C5: variants seen among roughly 807,000 people sequenced by gnomAD.
The protein encoded by C5 is complement C5, also known as C3 and PZP-like alpha-2-macroglobulin domain-containing protein 4.
C5 carries 140 observed loss-of-function variants against 218.8 expected under a neutral mutation model. The ratio of observed to expected loss-of-function variants is 0.64; its 90% CI spans 0.56 to 0.74. The LOEUF (loss-of-function observed/expected upper bound fraction) is 0.74, where lower values mean the gene tolerates loss of function less well. Among genes scored for constraint, C5 ranks in the 30% least tolerant of loss-of-function variants. C5 has a pLI of 0.00. For synonymous variants in C5, 614 were observed against 682.3 expected, an observed-to-expected ratio of 0.90 and a Z score of 1.56; for missense variants, 1,700 against 1,969.6, an observed-to-expected ratio of 0.86 and a Z score of 2.59.
chr9:120,975,848 G>A (rs2046949516), intron 29 of C5, among the ~76,000 whole-genome samples: 2 of 152,040 alleles, frequency 1.3e-5, no homozygotes, highest in African/African-American at 2.4e-5. Context: ...GCATTTAGCA[G>A]GTACATAAAT....
intron 34 of C5, among the ~76,000 whole-genome samples, chr9:120,963,193 G>A (rs2046840535): frequency 6.6e-6 from 1 of 152,138 alleles, no homozygotes; most frequent in Admixed American, 6.5e-5. Context: ...TCAAAACTTA[G>A]GTTAATTATG....
chr9:120,965,493 C>G (rs1482250208), intron 33 of C5, among the ~76,000 whole-genome samples: 1 of 151,618 alleles, frequency 6.6e-6, no homozygotes, highest in African/African-American at 2.4e-5. Context: ...GCACTCTAGT[C>G]TGGGCAACTG....
chr9:121,016,296 T>C lies in C5; in HGVS notation c.1954A>G (p.Thr652Ala), dbSNP rs1440862203. 9.3e-6 allele frequency: 15 copies of C among 1,613,928 alleles called. No individual in the cohort carries two copies. The highest frequency in any genetic ancestry group is 1.0e-5 in the Non-Finnish European group (12 of 1,179,932). ...TCTGCATTTGCATTAGTGAGGAAGG[T>C]AAGTCCAGCTAGGTGGAACACATTG... ...NANVFHLAGL[T>A]FLTNANADDS... The change falls in exon 15 of 41, where the codon ACC becomes GCC. Residue 652 changes from threonine (T) to alanine (A), a missense_variant. Thr to Ala is a moderately conservative substitution (Grantham distance 58). Transcript: ENST00000223642.
Position 120,968,696 on chromosome 9 carries a change from T to C in C5, c.4220+365A>G, listed in dbSNP as rs552153345. The stretch of plus-strand genomic sequence containing the variant: ...CAGCTTGAGTTGAGAATCTAGCTGA[T>C]AATGGATTTTGTTAGGTAAATGTGA... On this transcript the variant is annotated intron_variant, in intron 33 of 40. Coordinates refer to ENST00000223642, the MANE Select transcript of C5 (RefSeq NM_001735.3). Among the ~76,000 whole-genome samples, 4 of 152,336 alleles carry C rather than the reference T, an allele frequency of 2.6e-5. No homozygotes were observed. In the East Asian group the frequency reaches 7.7e-4, roughly 29 times the overall value.
At chr9:121,056,711 A>G in the C5 span, among the ~76,000 whole-genome samples, 1 of 152,160 alleles carries the variant, frequency 6.6e-6, no homozygotes, top group Non-Finnish European at 1.5e-5. Context: ...AGAATGAAGC[A>G]TGCCTACAAG....
chr9:121,027,653 G>A (rs1355567011), intron 7 of C5, among the ~76,000 whole-genome samples: 1 of 152,158 alleles, frequency 6.6e-6, no homozygotes, highest in Non-Finnish European at 1.5e-5. Flanking sequence ...ATAGAAAGCT[G>A]AAACTGGATC....
At position 121,045,981 on chromosome 9, in the gene C5, GC is replaced by G. The variant is rs547626357; in HGVS notation, c.258+209del. Among the ~76,000 whole-genome samples the G allele has an allele frequency of 1.2e-4, 19 of 152,126 alleles. No individual in the cohort carries two copies. In the South Asian group the frequency reaches 3.9e-3, roughly 32 times the overall value. ...AAGAATGTGAAAATGGACATGCATT[GC>G]TCAAAAAGCAGACATAACTTCTGTT... On this transcript the variant is annotated intron_variant, in intron 2 of 40. Coordinates refer to ENST00000223642, the MANE Select transcript of C5 (RefSeq NM_001735.3).
At chr9:120,965,716 C>T (rs7035682) in intron 33 of C5, among the ~76,000 whole-genome samples, 30,264 of 152,018 alleles carry the variant, frequency 0.2, 5,301 homozygotes, top group African/African-American at 0.47. Context: ...ATGTGACATC[C>T]GAACATCTCC....
the C5 span, among the ~76,000 whole-genome samples, chr9:121,066,053 G>A: frequency 3.2e-4 from 48 of 151,930 alleles, no homozygotes; most frequent in Non-Finnish European, 7.4e-5. Flanking sequence ...GGTGTCTCAC[G>A]CCTGTAATCC....
Position 121,017,416 on chromosome 9 carries a change from T to C in C5, c.1812A>G (p.Ala604=). The C allele has an allele frequency of 6.2e-7, 1 of 1,614,048 alleles. No homozygotes were observed. The highest frequency in any genetic ancestry group is 8.5e-7 in the Non-Finnish European group (1 of 1,179,996). ...TGMDSWVALA[A]VDSAVYGVQR... ...GGACTCCATACACAGCACTGTCCAC[T>C]GCTGCTAATGCCACCCAGGAATCCA... Residue 604 remains alanine, a synonymous_variant, in exon 14 of 41, where the codon GCA becomes GCG. Coordinates refer to ENST00000223642, the MANE Select transcript of C5 (RefSeq NM_001735.3).
At chr9:121,002,253 T>C (rs377690041) in intron 20 of C5, among the ~76,000 whole-genome samples, 2,825 of 48,662 alleles carry the variant, frequency 0.058, 111 homozygotes, top group East Asian at 0.1. Flanking sequence ...TGTATATATA[T>C]GTATATATGT....
Position 121,021,410 on chromosome 9 carries a change from CAT to C in C5, c.1302+97_1302+98del, listed in dbSNP as rs1350767175. On this transcript the variant is annotated intron_variant, in intron 11 of 40. Coordinates refer to ENST00000223642, the MANE Select transcript of C5 (RefSeq NM_001735.3). Reference sequence around the variant, plus strand: ...AAATTATGGAACTGTTCACTGGACTCATGTGTAAAATCTGCCGCATCTGTTCT... The same window carrying C: ...AAATTATGGAACTGTTCACTGGACTCGTGTAAAATCTGCCGCATCTGTTCT... 2.9e-4 allele frequency: 257 copies of C among 897,794 alleles called. No individual in the cohort carries two copies. The Middle Eastern group carries it at 3.7e-3, about 13-fold the overall frequency. 55.6% of individuals were successfully genotyped at this position (897,794 alleles called of 1,614,324 possible). A position where few individuals can be genotyped will look rare whatever the true frequency, so the allele number is the denominator to read the frequency against.
Position 120,952,762 on chromosome 9 carries a change from C to A in C5, c.5008G>T (p.Asp1670Tyr), listed in dbSNP as rs761048515. The A allele has an allele frequency of 3.7e-6, 6 of 1,613,580 alleles. No individual in the cohort carries two copies. Among genetic ancestry groups the A allele is most frequent in the Non-Finnish European group, 1.7e-6 (2 of 1,179,824 alleles). Residue 1670 changes from aspartate to tyrosine, a missense_variant, in exon 41 of 41, where the codon GAT becomes TAT. By Grantham distance (160) the Asp-to-Tyr change is radical (BLOSUM62 -3). Transcript: ENST00000223642. ...FLANLDEFAEDIFLNGC is the reference protein window; with the variant it reads ...FLANLDEFAEYIFLNGC ...TTTTAGCATCCATTTAAAAAGATAT[C>A]TTCGGCAAATTCATCTAAATTAGCT... is the stretch of plus-strand genomic sequence containing the variant.
rs201808997 is a variant in C5, at chr9:120,971,980, C to T, written c.4030G>A (p.Asp1344Asn). 3.2e-5 allele frequency: 51 copies of T among 1,612,708 alleles called. No homozygotes were observed. The highest frequency in any genetic ancestry group is 4.3e-5 in the Non-Finnish European group (51 of 1,179,206). Residue 1344 changes from aspartate (D) to asparagine (N), a missense_variant, in exon 31 of 41, where the codon GAT becomes AAT. By Grantham distance (23) the Asp-to-Asn change is conservative. Transcript: ENST00000223642. ...AATCCTGTACTGACAATGAGGTCATCATTGAGAAGCACCTGGAAAGATAAT... is the reference window on the plus strand; with the variant it reads ...AATCCTGTACTGACAATGAGGTCATTATTGAGAAGCACCTGGAAAGATAAT... Reference protein sequence around the residue: ...LGRPVEVLLNDDLIVSTGFGS... With the variant: ...LGRPVEVLLNNDLIVSTGFGS...
At chr9:120,992,520 C>CTT (rs2047084393) in intron 22 of C5, among the ~76,000 whole-genome samples, 1 of 152,198 alleles carries the variant, frequency 6.6e-6, no homozygotes. Context: ...ATACTTATTA[C>CTT]AGATAGCCTT....
intron 15 of C5, among the ~76,000 whole-genome samples, chr9:121,015,622 A>T (rs939210210): frequency 3.3e-5 from 5 of 152,234 alleles, no homozygotes; most frequent in African/African-American, 1.2e-4. Context: ...TATTGCAAAT[A>T]TAACTATGAA....
At chr9:120,987,771 T>A (rs1587962236) in intron 25 of C5, among the ~76,000 whole-genome samples, 1 of 152,054 alleles carries the variant, frequency 6.6e-6, no homozygotes, top group Non-Finnish European at 1.5e-5. Context: ...TATTTTGTCA[T>A]AGCATGATGG....
intron 22 of C5, among the ~76,000 whole-genome samples, chr9:120,994,416 C>G (rs1208042677): frequency 6.6e-6 from 1 of 151,994 alleles, no homozygotes; most frequent in African/African-American, 2.4e-5. Context: ...AACCCCGTCT[C>G]TACTAAAAAT....
At chr9:121,030,562 T>C (rs1399415776) in intron 6 of C5, 75 bp from the exon 7 acceptor site, 6 of 801,954 alleles carry the variant, frequency 7.5e-6, no homozygotes, top group Non-Finnish European at 1.2e-5. Flanking sequence ...ACAGCTAGAC[T>C]TTCTGGTATA....
Sources: gnomAD v4.1 joint callset for allele counts (sites outside exome capture counted in the v4.1 genomes callset) on GRCh38, gnomAD v4.1.1 for gene constraint, MANE v1.5 for transcripts, NCBI Gene and HGNC (gene_info 2026-07-23, HGNC 2026-07-21) for gene names.